Variants in NBEA observed in about 807,000 individuals in gnomAD.
NBEA encodes lysosomal-trafficking regulator 2.
A neutral mutation model predicts 343.4 loss-of-function variants in NBEA; 44 were observed. The observed-to-expected ratio is 0.13, with a 90% CI of 0.10 to 0.16. NBEA has a LOEUF of 0.16. Ranked by LOEUF, NBEA falls within the 10% of genes least tolerant of loss-of-function variation. The pLI is 1.00. For missense variants in NBEA, 2,555 were observed against 3,631.3 expected (o/e 0.70, Z 7.62); for synonymous variants, 1,175 against 1,238.7 (o/e 0.95, Z 1.08).
At chr13:35,551,876 A>G (rs2079343477) in intron 43 of NBEA, among the ~76,000 whole-genome samples, 1 of 152,202 alleles carries the variant, frequency 6.6e-6, no homozygotes, top group Non-Finnish European at 1.5e-5. Context: ...TGTATTTCTC[A>G]GAAGCCTAAA....
At chr13:35,569,708 AG>A in intron 45 of NBEA, among the ~76,000 whole-genome samples, 1 of 152,198 alleles carries the variant, frequency 6.6e-6, no homozygotes, top group East Asian at 1.9e-4. Flanking sequence ...ATGAAAACTC[AG>A]ATAGTTAACA....
chr13:35,240,422 C>T (rs114106229), intron 34 of NBEA, among the ~76,000 whole-genome samples: 1 of 151,590 alleles, frequency 6.6e-6, no homozygotes. Context: ...GACAGCTAGA[C>T]AATTAGATAG....
chr13:35,435,339 C>A (rs989946558), intron 39 of NBEA, among the ~76,000 whole-genome samples: 1 of 152,040 alleles, frequency 6.6e-6, no homozygotes, highest in Admixed American at 6.6e-5. Flanking sequence ...TAGATGATTG[C>A]AGTTGGTAAA....
At chr13:35,603,332 T>C (rs1190741199) in intron 47 of NBEA, among the ~76,000 whole-genome samples, 1 of 152,196 alleles carries the variant, frequency 6.6e-6, no homozygotes, top group Admixed American at 6.5e-5. Flanking sequence ...CCTCACAAAA[T>C]AGGCTCAAAA....
At chr13:35,532,563 G>A (rs1181589545) in intron 41 of NBEA, among the ~76,000 whole-genome samples, 1 of 152,102 alleles carries the variant, frequency 6.6e-6, no homozygotes, top group East Asian at 1.9e-4. Flanking sequence ...TTACAGGTAT[G>A]ATAAACTTAA....
intron 38 of NBEA, among the ~76,000 whole-genome samples, chr13:35,404,687 G>A (rs1372986553): frequency 6.7e-6 from 1 of 150,222 alleles, no homozygotes; most frequent in Non-Finnish European, 1.5e-5. Flanking sequence ...ACACCAGCAT[G>A]GCACATGTAT....
At chr13:35,239,300 A>C (rs2075378517) in intron 34 of NBEA, among the ~76,000 whole-genome samples, 2 of 152,224 alleles carry the variant, frequency 1.3e-5, no homozygotes, top group East Asian at 1.9e-4. Flanking sequence ...ACATGATATC[A>C]GCTTATTTGT....
chr13:35,301,103 A>T (rs2036511614), intron 35 of NBEA, among the ~76,000 whole-genome samples: 1 of 151,900 alleles, frequency 6.6e-6, no homozygotes, highest in African/African-American at 2.4e-5. Context: ...TCTGTCTCTC[A>T]TTTAGTAGGT....
chr13:34,980,019 A>C (rs1323045452), intron 1 of NBEA, among the ~76,000 whole-genome samples: 1 of 152,154 alleles, frequency 6.6e-6, no homozygotes, highest in Non-Finnish European at 1.5e-5. Flanking sequence ...ATGATGTGTA[A>C]GTATGAGTCT....
At chr13:35,381,307 A>G (rs933986087) in intron 38 of NBEA, among the ~76,000 whole-genome samples, 3 of 152,182 alleles carry the variant, frequency 2.0e-5, no homozygotes, top group Non-Finnish European at 2.9e-5. Context: ...AATATGTCAC[A>G]GCAGACTACT....
chr13:35,393,555 A>G (rs1043645316), intron 38 of NBEA, among the ~76,000 whole-genome samples: 5 of 152,094 alleles, frequency 3.3e-5, no homozygotes, highest in African/African-American at 1.2e-4. Context: ...TATTTTATTG[A>G]GATTATTTAA....
chr13:35,660,170 G>T (rs972449959), intron 55 of NBEA, among the ~76,000 whole-genome samples: 3 of 152,110 alleles, frequency 2.0e-5, no homozygotes, highest in Non-Finnish European at 4.4e-5. Flanking sequence ...ACGTGCTGTA[G>T]CTTCCAACAA....
intron 1 of NBEA, among the ~76,000 whole-genome samples, chr13:34,955,215 TC>T (rs977036025): frequency 5.9e-5 from 9 of 152,140 alleles, no homozygotes; most frequent in East Asian, 1.9e-4. Context: ...TATGGAAACT[TC>T]CGTTTTTACT....
At chr13:35,621,044 C>T (rs1213732233) in intron 48 of NBEA, among the ~76,000 whole-genome samples, 1 of 152,170 alleles carries the variant, frequency 6.6e-6, no homozygotes, top group Non-Finnish European at 1.5e-5. Context: ...CGGAAAAAGC[C>T]AGAGTCAACA....
intron 31 of NBEA, among the ~76,000 whole-genome samples, chr13:35,204,401 T>C (rs770865843): frequency 6.6e-6 from 1 of 151,878 alleles, no homozygotes; most frequent in Non-Finnish European, 1.5e-5. Flanking sequence ...TCTTATATGG[T>C]GGTAGCAAGA....
chr13:35,010,940 T>A (rs969192110), intron 1 of NBEA, among the ~76,000 whole-genome samples: 44 of 150,746 alleles, frequency 2.9e-4, no homozygotes, highest in African/African-American at 1.1e-3. Context: ...AGCTCAAGGA[T>A]GAAGTGGAGC....
At chr13:35,518,848 G>A (rs977601458) in intron 41 of NBEA, among the ~76,000 whole-genome samples, 1 of 152,078 alleles carries the variant, frequency 6.6e-6, no homozygotes, top group Non-Finnish European at 1.5e-5. Context: ...AAGGTTGCAG[G>A]ATACCTCATA....
At chr13:35,322,282 G>A (rs772558213) in intron 36 of NBEA, among the ~76,000 whole-genome samples, 1 of 152,212 alleles carries the variant, frequency 6.6e-6, no homozygotes, top group Non-Finnish European at 1.5e-5. Context: ...TGGGAAAAGT[G>A]TAGTATCTGG....
chr13:35,479,620 T>TA (rs897163019), intron 41 of NBEA, among the ~76,000 whole-genome samples: 5 of 152,152 alleles, frequency 3.3e-5, no homozygotes, highest in East Asian at 1.9e-4. Flanking sequence ...CAGTGAATTT[T>TA]AAAAAAATAT....
Sources: gnomAD v4.1 joint callset for allele counts (sites outside exome capture counted in the v4.1 genomes callset) on GRCh38, gnomAD v4.1.1 for gene constraint, MANE v1.5 for transcripts, NCBI Gene and HGNC (gene_info 2026-07-23, HGNC 2026-07-21) for gene names.